The following COG7 variants were observed in gnomAD, a reference collection of about 807,000 sequenced individuals.
The protein encoded by COG7 is component of oligomeric golgi complex 7.
A neutral mutation model predicts 91.5 loss-of-function variants in COG7; 49 were observed. The ratio of observed to expected loss-of-function variants is 0.54; its 90% CI spans 0.43 to 0.68. The LOEUF (loss-of-function observed/expected upper bound fraction) is 0.68, where lower values mean the gene tolerates loss of function less well. Among genes scored for constraint, COG7 ranks in the 30% least tolerant of loss-of-function variants. The probability of loss-of-function intolerance (pLI) is 0.00; values close to 1 mark genes in which losing one functional copy is unlikely to be tolerated. For missense variants in COG7, 895 were observed against 961.3 expected, an observed-to-expected ratio of 0.93 and a Z score of 0.91; for synonymous variants, 365 against 388.7, an observed-to-expected ratio of 0.94 and a Z score of 0.72.
At position 23,403,782 on chromosome 16, in the gene COG7, G is replaced by C; in HGVS notation, c.1715C>G (p.Thr572Ser). Residue 572 changes from threonine (T) to serine (S), a missense_variant, in exon 13 of 17, where the codon ACT becomes AGT. Coordinates refer to ENST00000307149, the MANE Select transcript of COG7 (RefSeq NM_153603.4). Reference sequence around the variant, plus strand: ...CTGGTGGGCCTGCTGGTTAAGCCGAGTCAGCGCTGCTCGAGGTGCAGCCAG... The same window carrying C: ...CTGGTGGGCCTGCTGGTTAAGCCGACTCAGCGCTGCTCGAGGTGCAGCCAG... Reference protein sequence around the residue: ...NLLAAPRAALTRLNQQAHQLA... With the variant: ...NLLAAPRAALSRLNQQAHQLA... The C allele has an allele frequency of 6.2e-7, 1 of 1,614,250 alleles. No homozygotes were observed. Among genetic ancestry groups the C allele is most frequent in the Non-Finnish European group, 8.5e-7 (1 of 1,180,044 alleles).
intron 7 of COG7, among the ~76,000 whole-genome samples, chr16:23,423,907 T>C (rs1357693028): frequency 6.6e-6 from 1 of 152,184 alleles, no homozygotes; most frequent in African/African-American, 2.4e-5. Flanking sequence ...AGGGGTGCTC[T>C]GCTCTCAGTC....
intron 16 of COG7, 50 bp downstream of exon 16, chr16:23,392,330 T>G (rs775931804): frequency 6.2e-7 from 1 of 1,613,116 alleles, no homozygotes; most frequent in Non-Finnish European, 8.5e-7. Context: ...AACTGACAGA[T>G]GCAGCAGGCA....
intron 13 of COG7, among the ~76,000 whole-genome samples, chr16:23,398,346 C>T (rs1352027287): frequency 2.0e-5 from 3 of 152,218 alleles, no homozygotes; most frequent in Middle Eastern, 3.2e-3. Flanking sequence ...TTTCTCTCTC[C>T]GCATTCCTGC....
intron 16 of COG7, 94 bp from the exon 17 acceptor site, chr16:23,389,180 A>T: frequency 6.9e-7 from 1 of 1,439,400 alleles, no homozygotes; most frequent in Non-Finnish European, 9.5e-7. Context: ...CGACACAGAG[A>T]AGCTGCCCTG....
intron 4 of COG7, 111 bp from the exon 5 acceptor site, chr16:23,434,829 T>A: frequency 1.3e-6 from 1 of 744,958 alleles, no homozygotes; most frequent in Non-Finnish European, 2.4e-6. Context: ...CACAAGTTCC[T>A]GCCTAGATAC....
intron 4 of COG7, among the ~76,000 whole-genome samples, chr16:23,435,292 G>A (rs369162813): frequency 4.6e-5 from 7 of 152,026 alleles, no homozygotes; most frequent in African/African-American, 1.2e-4. Flanking sequence ...GGTTGAACCC[G>A]GGAGGCAGAG....
At chr16:23,392,885 C>T (rs1468047437) in intron 15 of COG7, among the ~76,000 whole-genome samples, 2 of 152,042 alleles carry the variant, frequency 1.3e-5, no homozygotes, top group Admixed American at 6.6e-5. Flanking sequence ...GAGTCAAGAT[C>T]GCGCCACTGC....
intron 14 of COG7, among the ~76,000 whole-genome samples, chr16:23,397,156 G>A (rs762452657): frequency 2.6e-4 from 40 of 152,050 alleles, no homozygotes; most frequent in Non-Finnish European, 4.3e-4. Context: ...CAATTCTCTC[G>A]CCTCTACCTC....
intron 9 of COG7, chr16:23,415,356 C>A (rs1273599716): frequency 6.6e-6 from 1 of 152,182 alleles, no homozygotes; most frequent in East Asian, 1.9e-4. Flanking sequence ...TTTGTTTAGC[C>A]ACTATTCTCA....
chr16:23,451,180 G>A (rs538023), intron 1 of COG7, among the ~76,000 whole-genome samples: 22,130 of 151,970 alleles, frequency 0.15, 1,791 homozygotes, highest in East Asian at 0.29. Context: ...GGGAAAGAGC[G>A]AGACTTCGTC....
At chr16:23,421,426 G>A (rs927690466) in intron 7 of COG7, among the ~76,000 whole-genome samples, 1 of 149,692 alleles carries the variant, frequency 6.7e-6, no homozygotes, top group Non-Finnish European at 1.5e-5. Context: ...ATATTTTGTT[G>A]CTTTTTATAA....
chr16:23,401,136 T>C (rs1487540528), intron 13 of COG7, among the ~76,000 whole-genome samples: 2 of 152,224 alleles, frequency 1.3e-5, no homozygotes, highest in African/African-American at 4.8e-5. Context: ...ATAATCCATT[T>C]TGAAATCAAA....
At chr16:23,411,009 T>C (rs899085523) in intron 10 of COG7, among the ~76,000 whole-genome samples, 1 of 152,164 alleles carries the variant, frequency 6.6e-6, no homozygotes, top group Non-Finnish European at 1.5e-5. Context: ...ATCCTGCCTG[T>C]ATCTAAAATT....
At chr16:23,405,951 G>C in intron 12 of COG7, 125 bp downstream of exon 12, 1 of 827,656 alleles carries the variant, frequency 1.2e-6, no homozygotes, top group Non-Finnish European at 2.1e-6. Flanking sequence ...AGACAGAGAG[G>C]TAGTAGCAGG....
At chr16:23,391,221 G>C (rs573718330) in intron 16 of COG7, among the ~76,000 whole-genome samples, 1 of 152,348 alleles carries the variant, frequency 6.6e-6, no homozygotes, top group South Asian at 2.1e-4. Context: ...GTGAAGAAAT[G>C]AATCTGCAGG....
intron 13 of COG7, among the ~76,000 whole-genome samples, chr16:23,398,575 C>T (rs1217492153): frequency 6.6e-6 from 1 of 152,158 alleles, no homozygotes; most frequent in East Asian, 1.9e-4. Context: ...CCCTGAGGTC[C>T]CCCACAGAGG....
chr16:23,394,310 A>T (rs1963248995), intron 14 of COG7, among the ~76,000 whole-genome samples: 1 of 152,218 alleles, frequency 6.6e-6, no homozygotes, highest in Admixed American at 6.5e-5. Flanking sequence ...GCCCACAATT[A>T]GCACAGTCTT....
At chr16:23,399,846 C>T (rs1053426922) in intron 13 of COG7, among the ~76,000 whole-genome samples, 5 of 152,114 alleles carry the variant, frequency 3.3e-5, no homozygotes, top group Admixed American at 3.3e-4. Context: ...AAAGACATCC[C>T]AATAAATCTC....
rs1963138714 is a variant in COG7 at position 23,388,902 on chromosome 16, G to A, written c.*18C>T. On this transcript the variant is annotated 3_prime_UTR_variant, in exon 17 of 17. Coordinates refer to ENST00000307149, the MANE Select transcript of COG7 (RefSeq NM_153603.4). ...AACAGCAGCCCTGGCTCTCTTGGTG[G>A]TCCGGTGTGTGGTGGGGTCAGTAAT... is the stretch of plus-strand genomic sequence containing the variant. The A allele has an allele frequency of 6.2e-6, 10 of 1,613,832 alleles. No homozygotes were observed. Among genetic ancestry groups the A allele is most frequent in the South Asian group, 1.1e-5 (1 of 91,044 alleles).
Sources: gnomAD v4.1 joint callset for allele counts (sites outside exome capture counted in the v4.1 genomes callset) on GRCh38, gnomAD v4.1.1 for gene constraint, MANE v1.5 for transcripts, NCBI Gene and HGNC (gene_info 2026-07-23, HGNC 2026-07-21) for gene names.